Variants in UST observed in about 807,000 individuals in gnomAD.
UST encodes uronyl 2-sulfotransferase.
UST carries 21 observed loss-of-function variants against 45.6 expected under a neutral mutation model. The ratio of observed to expected loss-of-function variants is 0.46; its 90% CI spans 0.33 to 0.66. The LOEUF (loss-of-function observed/expected upper bound fraction) is 0.66. Among genes scored for constraint, UST ranks in the 30% least tolerant of loss-of-function variants. The pLI is 0.02. For missense variants in UST, 463 were observed against 512.4 expected (o/e 0.90, Z 0.93); for synonymous variants, 215 against 200.6 (o/e 1.07, Z -0.61).
intron 1 of UST, among the ~76,000 whole-genome samples, chr6:148,751,638 T>G (rs1361045024): frequency 1.3e-5 from 2 of 152,266 alleles, no homozygotes; most frequent in Admixed American, 1.3e-4. Flanking sequence ...CACCCTGAGA[T>G]TGGGTGGAGG....
intron 2 of UST, among the ~76,000 whole-genome samples, chr6:148,889,039 C>G (rs1778963134): frequency 6.6e-6 from 1 of 152,206 alleles, no homozygotes; most frequent in Non-Finnish European, 1.5e-5. Context: ...GGCTTCCATC[C>G]CAGGTTCTTT....
At chr6:148,929,026 G>A (rs912743879) in intron 2 of UST, among the ~76,000 whole-genome samples, 4 of 152,196 alleles carry the variant, frequency 2.6e-5, no homozygotes, top group Admixed American at 6.5e-5. Flanking sequence ...TGGATCCTTC[G>A]CACATGTTGA....
chr6:148,817,350 ACT>A (rs1203557587), intron 1 of UST, among the ~76,000 whole-genome samples: 2 of 152,140 alleles, frequency 1.3e-5, no homozygotes, highest in Non-Finnish European at 2.9e-5. Flanking sequence ...AAAGAGTCAA[ACT>A]CTGTAAAATA....
chr6:148,889,579 G>T (rs1778976749), intron 2 of UST, among the ~76,000 whole-genome samples: 1 of 152,118 alleles, frequency 6.6e-6, no homozygotes, highest in African/African-American at 2.4e-5. Flanking sequence ...AGTTGGATTA[G>T]GTGGCTCTGT....
intron 1 of UST, among the ~76,000 whole-genome samples, chr6:148,857,646 G>A (rs188437875): frequency 0.011 from 1,688 of 151,866 alleles, 16 homozygotes; most frequent in Non-Finnish European, 0.016. Flanking sequence ...AAGATTCCAG[G>A]TGGTCTTGAA....
intron 5 of UST, among the ~76,000 whole-genome samples, chr6:148,971,102 A>G (rs922426395): frequency 6.6e-6 from 1 of 152,188 alleles, no homozygotes; most frequent in African/African-American, 2.4e-5. Context: ...CATGGGTGTG[A>G]CAGGCATTCT....
chr6:148,844,788 C>T (rs1333440343), intron 1 of UST, among the ~76,000 whole-genome samples: 1 of 152,122 alleles, frequency 6.6e-6, no homozygotes, highest in African/African-American at 2.4e-5. Flanking sequence ...CCTGTCATTT[C>T]CTGCCCCTGT....
chr6:148,883,970 A>G (rs1778868896), intron 1 of UST, among the ~76,000 whole-genome samples: 1 of 152,074 alleles, frequency 6.6e-6, no homozygotes, highest in Non-Finnish European at 1.5e-5. Flanking sequence ...TGTCTCTACT[A>G]AAAATACAAA....
In UST at chr6:148,975,514, G is replaced by A. The variant is rs138131463; in HGVS notation, c.681+10951G>A. On this transcript the variant is annotated intron_variant, in intron 5 of 7. Transcript: ENST00000367463. ...AATCCATGATCAAAGTGTCCAGTGT[G>A]TATCTGACTTTGTCATTGTCTTGCT... Among the ~76,000 whole-genome samples, 71 of 152,260 alleles carry A rather than the reference G, an allele frequency of 4.7e-4. No homozygotes were observed. In the East Asian group the frequency reaches 0.013, roughly 27 times the overall value.
At chr6:149,013,170 A>G (rs1283624399) in intron 5 of UST, among the ~76,000 whole-genome samples, 1 of 152,252 alleles carries the variant, frequency 6.6e-6, no homozygotes, top group Non-Finnish European at 1.5e-5. Flanking sequence ...ATAAATGCAG[A>G]GTAAAAGCCT....
intron 7 of UST, among the ~76,000 whole-genome samples, chr6:149,052,386 G>T (rs1307782352): frequency 6.6e-6 from 1 of 152,146 alleles, no homozygotes; most frequent in Non-Finnish European, 1.5e-5. Flanking sequence ...AAGTCCTTTA[G>T]ATGTACTATT....
intron 1 of UST, among the ~76,000 whole-genome samples, chr6:148,819,597 A>G (rs1777417608): frequency 6.6e-6 from 1 of 152,236 alleles, no homozygotes; most frequent in South Asian, 2.1e-4. Flanking sequence ...TACGTATTTT[A>G]TGCTCTTAAA....
intron 7 of UST, among the ~76,000 whole-genome samples, chr6:149,043,004 T>TTTCC (rs1776341014): frequency 8.6e-6 from 1 of 116,290 alleles, no homozygotes; most frequent in Non-Finnish European, 1.8e-5. Flanking sequence ...TCTTTCTTTC[T>TTTCC]TTCTTTCTTT....
chr6:148,855,998 G>GA (rs1778197063), intron 1 of UST, among the ~76,000 whole-genome samples: 1 of 150,160 alleles, frequency 6.7e-6, no homozygotes, highest in Admixed American at 6.7e-5. Context: ...GCTTACAGCT[G>GA]AAAAATATGG....
rs1779980249 is a variant in UST at position 148,934,386 on chromosome 6, T to A, written c.292-6893T>A. Among the ~76,000 whole-genome samples, 1 of 152,236 alleles carries A rather than the reference T, an allele frequency of 6.6e-6. No homozygotes were observed. The highest frequency in any genetic ancestry group is 2.4e-5 in the African/African-American group (1 of 41,460). ...CTGCAGTTTTATTCGTCAAGCAAAG[T>A]CATTTCACAGTCAGTATAATATTCA... On this transcript the variant is annotated intron_variant, in intron 2 of 7. Coordinates refer to ENST00000367463, the MANE Select transcript of UST (RefSeq NM_005715.3). The surrounding 1 kb of genome is among the most constrained non-coding windows in gnomAD (Gnocchi z 4.1).
intron 7 of UST, among the ~76,000 whole-genome samples, chr6:149,061,988 G>A (rs1776661262): frequency 6.6e-6 from 1 of 152,218 alleles, no homozygotes; most frequent in African/African-American, 2.4e-5. Flanking sequence ...ACAAATAAAT[G>A]TCTTTTTACC....
chr6:148,867,293 C>T (rs557061477), intron 1 of UST, among the ~76,000 whole-genome samples: 2,120 of 115,060 alleles, frequency 0.018, 32 homozygotes, highest in Admixed American at 0.032. Context: ...AATACACACA[C>T]ACACACACAC....
intron 7 of UST, among the ~76,000 whole-genome samples, chr6:149,052,082 T>A (rs1168018114): frequency 6.6e-6 from 1 of 152,236 alleles, no homozygotes; most frequent in African/African-American, 2.4e-5. Context: ...ACATGTATAC[T>A]GTAAGGGATA....
chr6:148,966,564 G>A (rs1171083844), intron 5 of UST, among the ~76,000 whole-genome samples: 1 of 152,210 alleles, frequency 6.6e-6, no homozygotes, highest in Non-Finnish European at 1.5e-5. Flanking sequence ...TAATGTAAGA[G>A]TTAAGAGGAA....
Sources: allele counts gnomAD v4.1 joint callset (sites outside exome capture counted in the v4.1 genomes callset), GRCh38; gene constraint gnomAD v4.1.1; non-coding constraint Gnocchi (gnomAD v3.1); transcripts MANE v1.5; gene names NCBI Gene and HGNC (gene_info 2026-07-23, HGNC 2026-07-21).